Variants in CACNA1E observed in about 807,000 individuals in gnomAD.
CACNA1E encodes the protein voltage-dependent R-type calcium channel subunit alpha-1E.
In CACNA1E, 40 loss-of-function variants were observed where a neutral mutation model predicts 259.2. The ratio of observed to expected loss-of-function variants is 0.15; its 90% CI spans 0.12 to 0.20. CACNA1E has a LOEUF of 0.20. Ranked by LOEUF, CACNA1E falls within the 10% of genes least tolerant of loss-of-function variation. The probability of loss-of-function intolerance (pLI) is 1.00; values close to 1 mark genes in which losing one functional copy is unlikely to be tolerated. For missense variants in CACNA1E, 1,874 were observed against 3,040.1 expected (o/e 0.62, Z 9.02); for synonymous variants, 1,104 against 1,138.5 (o/e 0.97, Z 0.61).
chr1:181,615,105 A>G (rs1251235631), intron 6 of CACNA1E, among the ~76,000 whole-genome samples: 1 of 152,210 alleles, frequency 6.6e-6, no homozygotes, highest in African/African-American at 2.4e-5. Flanking sequence ...TTTCTCATTC[A>G]TGCAGGTAAT....
chr1:181,383,936 A>T (rs771118407), intron 1 of CACNA1E, among the ~76,000 whole-genome samples: 2 of 152,268 alleles, frequency 1.3e-5, no homozygotes, highest in Non-Finnish European at 1.5e-5. Context: ...AGCACTGCCC[A>T]ACAGAACTTT....
In CACNA1E at chr1:181,798,579, C is replaced by T. The variant is rs373025438; in HGVS notation, c.6687C>T (p.Ser2229=). Residue 2229 remains serine (S), a synonymous_variant, in exon 48 of 48, where the codon TCC becomes TCT. Transcript: ENST00000367573. The surrounding 1 kb of genome is among the most constrained non-coding windows in gnomAD (Gnocchi z 4.2). The stretch of plus-strand genomic sequence containing the variant: ...ATGCCTCCCCACAGCGCTACATCTC[C>T]GAGCCCTACTTGGCCCTGCACGAAG... The part of the protein sequence containing the change: ...SQHASPQRYI[S]EPYLALHEDS... 1.2e-5 allele frequency: 20 copies of T among 1,613,528 alleles called. No individual in the cohort carries two copies. Among genetic ancestry groups the T allele is most frequent in the African/African-American group, 2.7e-5 (2 of 74,944 alleles).
intron 2 of CACNA1E, among the ~76,000 whole-genome samples, chr1:181,474,970 T>A (rs939386454): frequency 6.6e-6 from 1 of 152,210 alleles, no homozygotes; most frequent in Non-Finnish European, 1.5e-5. Context: ...ATATATTTAT[T>A]CCTGTTTATA....
intron 7 of CACNA1E, among the ~76,000 whole-genome samples, chr1:181,677,335 G>A (rs1036445085): frequency 2.0e-5 from 3 of 152,106 alleles, no homozygotes; most frequent in Non-Finnish European, 4.4e-5. Context: ...GGAATAAAAG[G>A]AAAATTGTAT....
At chr1:181,543,704 T>A (rs1438732922) in intron 3 of CACNA1E, among the ~76,000 whole-genome samples, 1 of 152,132 alleles carries the variant, frequency 6.6e-6, no homozygotes, top group Admixed American at 6.5e-5. Flanking sequence ...GGCCACCCAG[T>A]GTATGGTATT....
At chr1:181,423,033 A>G (rs1658870524) in intron 2 of CACNA1E, among the ~76,000 whole-genome samples, 1 of 152,180 alleles carries the variant, frequency 6.6e-6, no homozygotes, top group African/African-American at 2.4e-5. Flanking sequence ...AATCTTACCC[A>G]TCATTACTAC....
At chr1:181,685,286 G>A (rs1006745013) in intron 7 of CACNA1E, among the ~76,000 whole-genome samples, 9 of 59,032 alleles carry the variant, frequency 1.5e-4, no homozygotes, top group African/African-American at 5.6e-4. Context: ...TTTTATATGT[G>A]TTATTTCATG....
At chr1:181,529,178 G>A (rs1286083847) in intron 3 of CACNA1E, among the ~76,000 whole-genome samples, 2 of 152,234 alleles carry the variant, frequency 1.3e-5, no homozygotes, top group Non-Finnish European at 2.9e-5. Flanking sequence ...AGGAGCCAAT[G>A]TACAGCTCAG....
chr1:181,734,862 C>T (rs1383195489), intron 21 of CACNA1E, among the ~76,000 whole-genome samples: 1 of 149,464 alleles, frequency 6.7e-6, no homozygotes, highest in Non-Finnish European at 1.5e-5. Flanking sequence ...GCTGACCCCA[C>T]ACCTCATCCC....
chr1:181,693,128 C>CAAAAAAAAAAAAAA (rs61662957), intron 7 of CACNA1E, among the ~76,000 whole-genome samples: 2 of 97,850 alleles, frequency 2.0e-5, no homozygotes, highest in Non-Finnish European at 2.0e-5. Flanking sequence ...CTATCTAAAG[C>CAAAAAAAAAAAAAA]AAAAAAAAAA....
chr1:181,611,288 C>A (rs779959077), intron 6 of CACNA1E, among the ~76,000 whole-genome samples: 5 of 152,166 alleles, frequency 3.3e-5, no homozygotes, highest in African/African-American at 9.7e-5. Flanking sequence ...TCATTCATTT[C>A]GTCAACTGAT....
chr1:181,644,153 C>T (rs1248261291), intron 6 of CACNA1E, among the ~76,000 whole-genome samples: 1 of 152,124 alleles, frequency 6.6e-6, no homozygotes, highest in Non-Finnish European at 1.5e-5. Context: ...TGGTGACTGT[C>T]CTATCTGTCT....
intron 3 of CACNA1E, among the ~76,000 whole-genome samples, chr1:181,522,271 A>G (rs1468248433): frequency 6.6e-6 from 1 of 152,182 alleles, no homozygotes; most frequent in East Asian, 1.9e-4. Context: ...CTAGCTGAGC[A>G]CATGTTAAAG....
chr1:181,491,520 T>G (rs1441715585), intron 1 of CACNA1E, among the ~76,000 whole-genome samples: 1 of 152,228 alleles, frequency 6.6e-6, no homozygotes, highest in Non-Finnish European at 1.5e-5. Context: ...GGCAATGCCT[T>G]TCTAGAAGGC....
upstream of CACNA1E, among the ~76,000 whole-genome samples, chr1:181,479,942 T>C (rs902776169): frequency 2.0e-5 from 3 of 152,106 alleles, no homozygotes; most frequent in African/African-American, 7.2e-5. Context: ...GGCTCAGCTG[T>C]GGGGCTTATG....
At chr1:181,474,189 T>C (rs1346332155) in intron 2 of CACNA1E, among the ~76,000 whole-genome samples, 2 of 152,330 alleles carry the variant, frequency 1.3e-5, no homozygotes, top group African/African-American at 4.8e-5. Context: ...CTATTAATAC[T>C]TGACTACATA....
At chr1:181,607,895 A>G (rs568434453) in intron 6 of CACNA1E, among the ~76,000 whole-genome samples, 1 of 152,238 alleles carries the variant, frequency 6.6e-6, no homozygotes, top group East Asian at 1.9e-4. Context: ...AGGGTTTAGT[A>G]ATGGTACCAT....
intron 18 of CACNA1E, 120 bp from the exon 19 acceptor site, chr1:181,731,055 T>C (rs1655425285): frequency 2.7e-6 from 2 of 739,828 alleles, no homozygotes; most frequent in Non-Finnish European, 4.9e-6. Context: ...AGCAGGCACA[T>C]GGAGACCTGA....
intron 7 of CACNA1E, among the ~76,000 whole-genome samples, chr1:181,679,176 C>A (rs920747574): frequency 6.6e-6 from 1 of 152,058 alleles, no homozygotes; most frequent in South Asian, 2.1e-4. Flanking sequence ...AAAGAATAGC[C>A]GGAAAGTTAA....
Sources: gnomAD v4.1 joint callset for allele counts (sites outside exome capture counted in the v4.1 genomes callset) on GRCh38, gnomAD v4.1.1 for gene constraint, Gnocchi (gnomAD v3.1) non-coding constraint, MANE v1.5 for transcripts, NCBI Gene and HGNC (gene_info 2026-07-23, HGNC 2026-07-21) for gene names.